CNTNAP5: variants seen among roughly 807,000 people sequenced by gnomAD.
CNTNAP5 encodes contactin associated protein family member 5.
In CNTNAP5, 72 loss-of-function variants were observed where a neutral mutation model predicts 150.2. The observed-to-expected ratio is 0.48, with a 90% CI of 0.40 to 0.58. CNTNAP5 has a LOEUF of 0.58. Among genes scored for constraint, CNTNAP5 ranks in the 20% least tolerant of loss-of-function variants. CNTNAP5 has a pLI of 0.00. For missense variants in CNTNAP5, 1,636 were observed against 1,626.2 expected, an observed-to-expected ratio of 1.01 and a Z score of -0.10; for synonymous variants, 672 against 619.8, an observed-to-expected ratio of 1.08 and a Z score of -1.25.
At chr2:124,403,571 T>G (rs536028873) in intron 3 of CNTNAP5, among the ~76,000 whole-genome samples, 1 of 152,364 alleles carries the variant, frequency 6.6e-6, no homozygotes, top group South Asian at 2.1e-4. Flanking sequence ...ATATTTGGCT[T>G]GGGTTACTGA....
chr2:124,324,888 G>C (rs1265667736), intron 3 of CNTNAP5, among the ~76,000 whole-genome samples: 1 of 152,158 alleles, frequency 6.6e-6, no homozygotes, highest in Non-Finnish European at 1.5e-5. Context: ...AGGCAATCTT[G>C]ATTGAAGTAT....
At chr2:124,812,056 T>A (rs1160247737) in intron 19 of CNTNAP5, among the ~76,000 whole-genome samples, 2 of 59,472 alleles carry the variant, frequency 3.4e-5, no homozygotes, top group African/African-American at 1.3e-4. Flanking sequence ...TATTTATATA[T>A]TATATAATAT....
At chr2:124,521,738 A>G (rs554029051) in intron 8 of CNTNAP5, among the ~76,000 whole-genome samples, 22 of 152,272 alleles carry the variant, frequency 1.4e-4, no homozygotes, top group Non-Finnish European at 2.4e-4. Context: ...ATGCAGTCCC[A>G]TATGTTATGC....
At chr2:124,355,857 T>C (rs1250713481) in intron 3 of CNTNAP5, among the ~76,000 whole-genome samples, 1 of 152,186 alleles carries the variant, frequency 6.6e-6, no homozygotes, top group Non-Finnish European at 1.5e-5. Flanking sequence ...TTTCTATGGT[T>C]AGAAAGACTG....
At chr2:124,370,397 G>T (rs142356734) in intron 3 of CNTNAP5, among the ~76,000 whole-genome samples, 11 of 152,182 alleles carry the variant, frequency 7.2e-5, no homozygotes, top group African/African-American at 2.4e-4. Context: ...GGGTATTCCA[G>T]GTCACTCTGC....
chr2:124,717,957 T>C (rs2105112557), intron 13 of CNTNAP5, among the ~76,000 whole-genome samples: 1 of 151,876 alleles, frequency 6.6e-6, no homozygotes, highest in South Asian at 2.1e-4. Context: ...GAAGTCCAAA[T>C]TGCTTGCTCA....
At chr2:124,864,957 G>A (rs1677599312) in intron 19 of CNTNAP5, among the ~76,000 whole-genome samples, 1 of 152,132 alleles carries the variant, frequency 6.6e-6, no homozygotes. Context: ...GTTATAGGAA[G>A]TGGTAGGAAT....
rs141618228 is a variant in CNTNAP5 at position 124,745,126 on chromosome 2, G to A, written c.2078-2103G>A. On this transcript the variant is annotated intron_variant, in intron 13 of 23. Coordinates refer to ENST00000682447, the MANE Select transcript of CNTNAP5 (RefSeq NM_001367498.1). Reference sequence around the variant, plus strand: ...TTGGGCTGCTAATGGAACTTCTAGGGAGTAAAAACACCAAATAAGAATTGG... The same window carrying A: ...TTGGGCTGCTAATGGAACTTCTAGGAAGTAAAAACACCAAATAAGAATTGG... 2.3e-3 allele frequency among the ~76,000 whole-genome samples: 352 copies of A among 151,316 alleles called. 2 individuals carry two copies. The highest frequency in any genetic ancestry group is 6.8e-3 in the Middle Eastern group (2 of 294).
At chr2:124,457,241 C>T (rs1186591931) in intron 6 of CNTNAP5, among the ~76,000 whole-genome samples, 1 of 152,036 alleles carries the variant, frequency 6.6e-6, no homozygotes, top group Admixed American at 6.6e-5. Flanking sequence ...TTGGCTTAGG[C>T]AAAGACTTCA....
chr2:124,847,689 G>T (rs750476094), intron 19 of CNTNAP5, among the ~76,000 whole-genome samples: 1 of 152,144 alleles, frequency 6.6e-6, no homozygotes, highest in Non-Finnish European at 1.5e-5. Flanking sequence ...AGTTTACGAC[G>T]TGAGTCTCCA....
At chr2:124,193,772 T>G (rs754505722) in intron 1 of CNTNAP5, among the ~76,000 whole-genome samples, 1 of 152,184 alleles carries the variant, frequency 6.6e-6, no homozygotes, top group Non-Finnish European at 1.5e-5. Context: ...TAACTCCTGT[T>G]AAATCTTCTG....
At chr2:124,219,265 G>A (rs1483288998) in intron 1 of CNTNAP5, among the ~76,000 whole-genome samples, 2 of 152,090 alleles carry the variant, frequency 1.3e-5, no homozygotes, top group African/African-American at 4.8e-5. Context: ...AGATTTAGGG[G>A]AGAAGTAGGG....
intron 22 of CNTNAP5, among the ~76,000 whole-genome samples, chr2:124,910,102 AC>A (rs1361966526): frequency 6.6e-6 from 1 of 151,560 alleles, no homozygotes; most frequent in Non-Finnish European, 1.5e-5. Flanking sequence ...GGAAAAGGCC[AC>A]CCCTGGACAC....
intron 3 of CNTNAP5, among the ~76,000 whole-genome samples, chr2:124,257,663 T>C (rs1487327086): frequency 3.3e-5 from 5 of 152,140 alleles, no homozygotes; most frequent in African/African-American, 1.2e-4. Flanking sequence ...CCTTTCTCCT[T>C]TCTGGGTCAT....
chr2:124,773,710 A>C (rs958114701), intron 17 of CNTNAP5, among the ~76,000 whole-genome samples: 6 of 152,036 alleles, frequency 3.9e-5, no homozygotes, highest in African/African-American at 1.4e-4. Context: ...GATAGTGGGT[A>C]TTGAAAGATG....
chr2:124,236,892 C>T (rs569737566), intron 2 of CNTNAP5, among the ~76,000 whole-genome samples: 9 of 151,976 alleles, frequency 5.9e-5, no homozygotes, highest in African/African-American at 9.7e-5. Context: ...TTTGGGAGGA[C>T]GAGGCGGGTG....
At chr2:124,386,369 C>T (rs1690926729) in intron 3 of CNTNAP5, among the ~76,000 whole-genome samples, 1 of 152,162 alleles carries the variant, frequency 6.6e-6, no homozygotes. Flanking sequence ...GTAACCTTGG[C>T]AATAGTTTAA....
chr2:124,120,643 C>G (rs539306791), intron 1 of CNTNAP5, among the ~76,000 whole-genome samples: 1 of 152,144 alleles, frequency 6.6e-6, no homozygotes, highest in Non-Finnish European at 1.5e-5. Flanking sequence ...AAGGACAGAA[C>G]CTCGACTGCA....
chr2:124,398,313 T>C (rs1056051083), intron 3 of CNTNAP5, among the ~76,000 whole-genome samples: 1 of 152,050 alleles, frequency 6.6e-6, no homozygotes, highest in African/African-American at 2.4e-5. Context: ...ACACAGAGGT[T>C]GGGGAAAAAC....
Sources: gnomAD v4.1 joint callset for allele counts (sites outside exome capture counted in the v4.1 genomes callset) on GRCh38, gnomAD v4.1.1 for gene constraint, MANE v1.5 for transcripts, NCBI Gene and HGNC (gene_info 2026-07-23, HGNC 2026-07-21) for gene names.